The following PALLD variants were observed in gnomAD, a reference collection of about 807,000 sequenced individuals.
PALLD encodes the protein palladin.
In PALLD, 61 loss-of-function variants were observed where a neutral mutation model predicts 123.5. The observed-to-expected ratio is 0.49, with a 90% CI of 0.40 to 0.61. The LOEUF (loss-of-function observed/expected upper bound fraction) is 0.61. Ranked by LOEUF, PALLD falls within the 20% of genes least tolerant of loss-of-function variation. The pLI is 0.00. For synonymous variants in PALLD, 465 were observed against 496.4 expected (o/e 0.94, Z 0.84); for missense variants, 1,273 against 1,377.0 (o/e 0.92, Z 1.20).
intron 10 of PALLD, among the ~76,000 whole-genome samples, chr4:168,744,448 T>C (rs1163032061): frequency 6.6e-6 from 1 of 151,956 alleles, no homozygotes; most frequent in Non-Finnish European, 1.5e-5. Context: ...GTCTCTAGGC[T>C]ATAGAGCAGA....
At chr4:168,600,134 C>CAT (rs1772484050) in intron 2 of PALLD, among the ~76,000 whole-genome samples, 1 of 151,770 alleles carries the variant, frequency 6.6e-6, no homozygotes, top group Non-Finnish European at 1.5e-5. Context: ...TGTATACACA[C>CAT]ATATATACAT....
At chr4:168,768,747 A>C (rs1482507981) in intron 10 of PALLD, among the ~76,000 whole-genome samples, 1 of 152,160 alleles carries the variant, frequency 6.6e-6, no homozygotes, top group African/African-American at 2.4e-5. Flanking sequence ...ATCTCGGCTC[A>C]CTGCAACCTC....
At chr4:168,626,430 C>G (rs1414398949) in intron 2 of PALLD, among the ~76,000 whole-genome samples, 1 of 137,780 alleles carries the variant, frequency 7.3e-6, no homozygotes, top group African/African-American at 2.7e-5. Context: ...AAGGTGGTGA[C>G]TGGGCACTGT....
chr4:168,609,399 C>T (rs536204399), intron 2 of PALLD, among the ~76,000 whole-genome samples: 26 of 146,788 alleles, frequency 1.8e-4, no homozygotes, highest in Admixed American at 6.1e-4. Context: ...AGGCCTGTTC[C>T]TGTTGTGATC....
chr4:168,615,537 G>A (rs1424157602), intron 2 of PALLD, among the ~76,000 whole-genome samples: 1 of 152,140 alleles, frequency 6.6e-6, no homozygotes, highest in East Asian at 1.9e-4. Flanking sequence ...CAAAGAGACA[G>A]GATTTACATT....
chr4:168,600,107 A>G (rs564404381), intron 2 of PALLD, among the ~76,000 whole-genome samples: 4 of 146,840 alleles, frequency 2.7e-5, no homozygotes, highest in East Asian at 1.9e-4. Flanking sequence ...GTATGCACAC[A>G]TATATATACA....
In PALLD at chr4:168,915,987, T is replaced by G. The variant is rs1470434769; in HGVS notation, c.2810T>G (p.Leu937Arg). 6.2e-7 allele frequency: 1 copy of G among 1,613,908 alleles called. No individual in the cohort carries two copies. Among genetic ancestry groups the G allele is most frequent in the East Asian group, 2.2e-5 (1 of 44,878 alleles). The change falls in exon 17 of 22, where the codon CTG becomes CGG. Residue 937 changes from leucine (L) to arginine (R), a missense_variant. By Grantham distance (102) the Leu-to-Arg change is moderately radical. Coordinates refer to ENST00000505667, the MANE Select transcript of PALLD (RefSeq NM_001166108.2). ...CACTTCTTGCAGGCTCCTGGAGATC[T>G]GACTGTTCAAGAAGGAAAACTCTGC... ...RPHFLQAPGD[L>R]TVQEGKLCRM...
intron 2 of PALLD, among the ~76,000 whole-genome samples, chr4:168,538,823 T>G (rs1765332219): frequency 6.6e-6 from 1 of 152,214 alleles, no homozygotes; most frequent in Non-Finnish European, 1.5e-5. Flanking sequence ...ATTGTGCAAG[T>G]GGGTGATTAC....
intron 1 of PALLD, among the ~76,000 whole-genome samples, chr4:168,509,453 C>A (rs1164263470): frequency 2.6e-5 from 4 of 152,100 alleles, no homozygotes; most frequent in African/African-American, 9.7e-5. Flanking sequence ...ACTTTAACTG[C>A]CTGTTTCTCA....
At chr4:168,820,259 A>G (rs1742532382) in intron 10 of PALLD, among the ~76,000 whole-genome samples, 1 of 152,240 alleles carries the variant, frequency 6.6e-6, no homozygotes, top group Non-Finnish European at 1.5e-5. Flanking sequence ...AGTCTCGTTG[A>G]ATCCTTGCAG....
chr4:168,832,370 A>T (rs1437413402), intron 10 of PALLD, among the ~76,000 whole-genome samples: 3 of 150,384 alleles, frequency 2.0e-5, no homozygotes, highest in Non-Finnish European at 4.4e-5. Flanking sequence ...CCGCGGGAGC[A>T]CAGATCCCTG....
chr4:168,855,690 C>G (rs1458546280), intron 10 of PALLD, among the ~76,000 whole-genome samples: 1 of 152,138 alleles, frequency 6.6e-6, no homozygotes, highest in Non-Finnish European at 1.5e-5. Context: ...GCCTTTGTCC[C>G]AGATTAAAGG....
chr4:168,612,612 TA>T (rs1773848360), intron 2 of PALLD, among the ~76,000 whole-genome samples: 1 of 151,732 alleles, frequency 6.6e-6, no homozygotes, highest in African/African-American at 2.4e-5. Context: ...CCCCCAAACG[TA>T]AGGTGAATTA....
At chr4:168,633,304 G>T (rs1186032497) in intron 2 of PALLD, among the ~76,000 whole-genome samples, 15 of 152,216 alleles carry the variant, frequency 9.9e-5, no homozygotes, top group Non-Finnish European at 2.2e-4. Flanking sequence ...TTCCCCCCGC[G>T]GTTGTTATAG....
intron 15 of PALLD, among the ~76,000 whole-genome samples, chr4:168,912,954 T>C (rs1759297446): frequency 6.6e-6 from 1 of 152,166 alleles, no homozygotes; most frequent in Non-Finnish European, 1.5e-5. Flanking sequence ...CCTTATCATA[T>C]GACCCACATA....
chr4:168,667,186 C>T (rs1050018336), intron 2 of PALLD, among the ~76,000 whole-genome samples: 1 of 152,052 alleles, frequency 6.6e-6, no homozygotes, highest in Non-Finnish European at 1.5e-5. Context: ...ACTCTAAATA[C>T]AGAAAAAACA....
chr4:168,682,940 AAC>A, intron 4 of PALLD, 56 bp from the exon 5 acceptor site: 3 of 1,050,306 alleles, frequency 2.9e-6, no homozygotes, highest in East Asian at 4.8e-5. Context: ...AAAAAAAAAA[AAC>A]AAAAAAACGA....
intron 2 of PALLD, among the ~76,000 whole-genome samples, chr4:168,645,447 C>T (rs1019406582): frequency 7.9e-5 from 12 of 152,144 alleles, no homozygotes; most frequent in Admixed American, 5.9e-4. Flanking sequence ...TGTCACTTAT[C>T]GGGCGGCAAT....
At chr4:168,678,616 C>T (rs1420314523) in intron 3 of PALLD, among the ~76,000 whole-genome samples, 1 of 152,096 alleles carries the variant, frequency 6.6e-6, no homozygotes, top group Non-Finnish European at 1.5e-5. Context: ...TCTCTGTGTC[C>T]TAGGGGAGGC....
Sources: allele counts gnomAD v4.1 joint callset (sites outside exome capture counted in the v4.1 genomes callset), GRCh38; gene constraint gnomAD v4.1.1; transcripts MANE v1.5; gene names NCBI Gene and HGNC (gene_info 2026-07-23, HGNC 2026-07-21).